CNOT1: variants seen among roughly 807,000 people sequenced by gnomAD.
The protein encoded by CNOT1 is CCR4-associated factor 1.
Under a neutral mutation model 273.8 loss-of-function variants are expected in CNOT1, and 15 were observed. That is an observed-to-expected ratio of 0.05 (90% CI 0.04 to 0.08). CNOT1 has a LOEUF of 0.08. CNOT1 is among the 10% of genes least tolerant of loss of function. The pLI, the probability that CNOT1 is intolerant of heterozygous loss-of-function variation, is 1.00. For missense variants in CNOT1, 1,644 were observed against 2,912.2 expected, an observed-to-expected ratio of 0.56 and a Z score of 10.02; for synonymous variants, 1,022 against 1,005.5, an observed-to-expected ratio of 1.02 and a Z score of -0.31.
chr16:58,601,952 T>A (rs1199799016), intron 1 of CNOT1, among the ~76,000 whole-genome samples: 1 of 152,036 alleles, frequency 6.6e-6, no homozygotes, highest in Non-Finnish European at 1.5e-5. Flanking sequence ...TAATATGGCA[T>A]TTTACTGGTC....
At chr16:58,521,889 TGTG>T (rs1435610600) in intron 47 of CNOT1, among the ~76,000 whole-genome samples, 1 of 151,954 alleles carries the variant, frequency 6.6e-6, no homozygotes, top group Admixed American at 6.6e-5. Context: ...AGGTGGAGGT[TGTG>T]GTGAGCCGAG....
chr16:58,596,288 T>A (rs1334829451), intron 2 of CNOT1, among the ~76,000 whole-genome samples: 1 of 152,042 alleles, frequency 6.6e-6, no homozygotes, highest in East Asian at 1.9e-4. Flanking sequence ...CAGGAGGCAC[T>A]CTGCAGTCCT....
intron 25 of CNOT1, chr16:58,548,584 C>A (rs779182392): frequency 1.9e-6 from 1 of 519,036 alleles, no homozygotes. Flanking sequence ...TGCACTACAG[C>A]GTAACCAAGA....
At chr16:58,529,229 A>T (rs2039695550) in intron 43 of CNOT1, among the ~76,000 whole-genome samples, 3 of 152,198 alleles carry the variant, frequency 2.0e-5, no homozygotes, top group Non-Finnish European at 2.9e-5. Context: ...GCACACTGAG[A>T]CACGCAAAGA....
intron 1 of CNOT1, among the ~76,000 whole-genome samples, chr16:58,622,401 A>G (rs1392645429): frequency 3.4e-5 from 5 of 148,726 alleles, no homozygotes; most frequent in Admixed American, 1.4e-4. Context: ...AGGAGATAAT[A>G]CAGGAAACCT....
rs202237421 is a variant in CNOT1, at chr16:58,578,864, G to A, written c.1419C>T (p.Phe473=). 4 of 1,614,158 alleles carry A rather than the reference G, an allele frequency of 2.5e-6. No individual in the cohort carries two copies. The highest frequency in any genetic ancestry group is 1.7e-5 in the Admixed American group (1 of 60,004). ...CTGGACAGTGTTTGATAGGGAAGCT[G>A]AAGAGCTGTTTGACTTGCTCATACT... ...VGQYEQVKQL[F]SFPIKHCPDM... is the part of the protein sequence containing the mutation. The change falls in exon 13 of 49, where the codon TTC becomes TTT. Residue 473 remains phenylalanine (F), a synonymous_variant. Coordinates refer to ENST00000317147, the MANE Select transcript of CNOT1 (RefSeq NM_016284.5).
intron 2 of CNOT1, among the ~76,000 whole-genome samples, chr16:58,592,090 A>G (rs2042081470): frequency 6.6e-6 from 1 of 152,258 alleles, no homozygotes; most frequent in Middle Eastern, 3.4e-3. Context: ...GTTTAATACA[A>G]TTTTTTAATT....
intron 11 of CNOT1, 55 bp from the exon 12 acceptor site, chr16:58,580,815 C>G: frequency 6.5e-7 from 1 of 1,528,942 alleles, no homozygotes; most frequent in Non-Finnish European, 8.9e-7. Flanking sequence ...CTATAAAAAT[C>G]TGAAATGTTT....
chr16:58,611,854 G>C (rs1475969897), intron 1 of CNOT1, among the ~76,000 whole-genome samples: 1 of 151,856 alleles, frequency 6.6e-6, no homozygotes, highest in Admixed American at 6.6e-5. Context: ...TTAAGAAAAG[G>C]ATACTGTACT....
At chr16:58,628,743 G>A (rs2043689896) in intron 1 of CNOT1, among the ~76,000 whole-genome samples, 1 of 152,116 alleles carries the variant, frequency 6.6e-6, no homozygotes, top group Non-Finnish European at 1.5e-5. Flanking sequence ...TTAACTTCAT[G>A]GGAAAAGTTT....
rs769443778 is a variant in CNOT1, at chr16:58,538,275, A to G, written c.5136-9T>C. On this transcript the variant is annotated splice_polypyrimidine_tract_variant and intron_variant, in intron 36 of 48. Coordinates refer to ENST00000317147, the MANE Select transcript of CNOT1 (RefSeq NM_016284.5). ...GACATTCAATTAGGCACCTAGAAAA[A>G]GTTCAATATCTTTACTCATATAGGC... 2.8e-6 allele frequency: 3 copies of G among 1,079,496 alleles called. No homozygotes were observed. The Admixed American group carries it at 5.1e-5, about 18-fold the overall frequency. 66.9% of individuals were successfully genotyped at this position (1,079,496 alleles called of 1,614,324 possible). A position where few individuals can be genotyped will look rare whatever the true frequency, so the allele number is the denominator to read the frequency against.
chr16:58,542,152 C>A, intron 33 of CNOT1, 79 bp downstream of exon 33: 1 of 1,536,168 alleles, frequency 6.5e-7, no homozygotes, highest in South Asian at 1.2e-5. Flanking sequence ...TGTCCTAATT[C>A]CAGTAAGGAG....
chr16:58,586,757 C>T lies in CNOT1; in HGVS notation c.434-9G>A, dbSNP rs764908535. ...TTTGATAAACTGGGCAGCTAGAAGTCAGGTAAACCAAAAACCGCAAGTTAC... is the reference window on the plus strand; with the variant it reads ...TTTGATAAACTGGGCAGCTAGAAGTTAGGTAAACCAAAAACCGCAAGTTAC... On this transcript the variant is annotated splice_polypyrimidine_tract_variant and intron_variant, in intron 6 of 48. Coordinates refer to ENST00000317147, the MANE Select transcript of CNOT1 (RefSeq NM_016284.5). The T allele has an allele frequency of 6.2e-7, 1 of 1,610,900 alleles. No individual in the cohort carries two copies. Among genetic ancestry groups the T allele is most frequent in the South Asian group, 1.1e-5 (1 of 90,894 alleles).
At chr16:58,586,819 C>G in intron 6 of CNOT1, 71 bp from the exon 7 acceptor site, 1 of 1,492,066 alleles carries the variant, frequency 6.7e-7, no homozygotes, top group Non-Finnish European at 9.2e-7. Flanking sequence ...CATATACCAT[C>G]AAAATGCAGA....
intron 1 of CNOT1, chr16:58,624,639 A>T (rs1207160506): frequency 6.6e-6 from 1 of 152,138 alleles, no homozygotes; most frequent in East Asian, 1.9e-4. Context: ...CTCTACTAAA[A>T]AGACAAAAAT....
Position 58,582,885 on chromosome 16 carries a change from T to C in CNOT1, c.952A>G (p.Ser318Gly), listed in dbSNP as rs1342425623. Residue 318 changes from serine to glycine, a missense_variant, in exon 10 of 49, where the codon AGT becomes GGT. Physicochemically the swap from Ser to Gly is moderately conservative, Grantham distance 56. Transcript: ENST00000317147. ...TCTTTCCCATCACTCCAGATCCCAC[T>C]GCCCGGAGCAGAAATACTCTGTAGA... ...IPLQSISAPGSGIWSDGKDKS... is the reference protein window; with the variant it reads ...IPLQSISAPGGGIWSDGKDKS... The C allele has an allele frequency of 6.2e-7, 1 of 1,611,698 alleles. No individual in the cohort carries two copies. Among genetic ancestry groups the C allele is most frequent in the Non-Finnish European group, 8.5e-7 (1 of 1,177,820 alleles).
chr16:58,601,230 A>G (rs1356096066), intron 1 of CNOT1, among the ~76,000 whole-genome samples: 1 of 152,166 alleles, frequency 6.6e-6, no homozygotes, highest in Non-Finnish European at 1.5e-5. Flanking sequence ...TGCTGGGATT[A>G]CAAGCATGAG....
intron 16 of CNOT1, among the ~76,000 whole-genome samples, chr16:58,562,630 T>A (rs1042668070): frequency 2.0e-5 from 3 of 151,956 alleles, no homozygotes; most frequent in Non-Finnish European, 4.4e-5. Flanking sequence ...GAGACCAGCC[T>A]GGCCAACACA....
At chr16:58,596,329 C>G (rs2042247880) in intron 2 of CNOT1, among the ~76,000 whole-genome samples, 1 of 152,168 alleles carries the variant, frequency 6.6e-6, no homozygotes, top group Non-Finnish European at 1.5e-5. Context: ...ATGCTCCATG[C>G]CTGTGTGACT....
Sources: allele counts gnomAD v4.1 joint callset (sites outside exome capture counted in the v4.1 genomes callset), GRCh38; gene constraint gnomAD v4.1.1; transcripts MANE v1.5; gene names NCBI Gene and HGNC (gene_info 2026-07-23, HGNC 2026-07-21).